Variants in BCAS3 observed in about 807,000 individuals in gnomAD.
The protein encoded by BCAS3 is BCAS4/BCAS3 fusion.
BCAS3 carries 53 observed loss-of-function variants against 116.1 expected under a neutral mutation model. The ratio of observed to expected loss-of-function variants is 0.46; its 90% confidence interval spans 0.37 to 0.57. BCAS3 has a LOEUF of 0.57. BCAS3 is among the 20% of genes least tolerant of loss of function. The pLI is 0.00. For synonymous variants in BCAS3, 391 were observed against 408.2 expected, an observed-to-expected ratio of 0.96 and a Z score of 0.51; for missense variants, 917 against 1,165.4, an observed-to-expected ratio of 0.79 and a Z score of 3.10.
chr17:61,392,082 A>G lies in BCAS3; in HGVS notation c.2699A>G (p.Asn900Ser), dbSNP rs373618986. ...FDGYRSPLPT[N>S]ESQPLSLFPT... ...GGCTACCGATCTCCGCTGCCCACCAATGAGAGCCAGCCCCTCAGCCTCTTC... is the reference window on the plus strand; with the variant it reads ...GGCTACCGATCTCCGCTGCCCACCAGTGAGAGCCAGCCCCTCAGCCTCTTC... Residue 900 changes from asparagine to serine, a missense_variant, in exon 24 of 24, where the codon AAT (asparagine) becomes AGT (serine). Asn to Ser is a conservative substitution (Grantham distance 46). This residue lies in a region of BCAS3 where 109 missense variants were observed against 122.8 expected (regional missense o/e 0.89). Transcript: ENST00000407086. The surrounding 1 kb of genome is among the most constrained non-coding windows in gnomAD (Gnocchi z 6.4). 67 of 1,613,598 alleles carry G rather than the reference A, an allele frequency of 4.2e-5. No individual in the cohort carries two copies. The highest frequency in any genetic ancestry group is 1.6e-4 in the Middle Eastern group (1 of 6,082).
chr17:61,167,543 G>A (rs1282035301), intron 22 of BCAS3, among the ~76,000 whole-genome samples: 2 of 152,220 alleles, frequency 1.3e-5, no homozygotes, highest in Non-Finnish European at 2.9e-5. Flanking sequence ...TCTAGCAGAT[G>A]TCTGTGAAAC....
chr17:60,940,746 A>G (rs896411853), intron 13 of BCAS3, among the ~76,000 whole-genome samples: 3 of 152,184 alleles, frequency 2.0e-5, no homozygotes, highest in African/African-American at 7.2e-5. Context: ...AAACATTTCT[A>G]TTTGATTCAG....
rs890552441 is a variant in BCAS3 at position 60,956,043 on chromosome 17, A to G, written c.1221+8691A>G. On this transcript the variant is annotated intron_variant, in intron 14 of 23. Transcript: ENST00000407086. This position sits in a 1 kb window ranked among gnomAD's most constrained non-coding sequence, Gnocchi z 4.2. Reference sequence around the variant, plus strand: ...TAAAAATTTACAAGGTTTTTGGGGCAGTAATTTAAAACTATGTAAATATGC... The same window carrying G: ...TAAAAATTTACAAGGTTTTTGGGGCGGTAATTTAAAACTATGTAAATATGC... Among the ~76,000 whole-genome samples the G allele has an allele frequency of 6.6e-6, 1 of 152,240 alleles. No individual in the cohort carries two copies. The highest frequency in any genetic ancestry group is 2.4e-5 in the African/African-American group (1 of 41,468).
chr17:60,702,835 C>T (rs2036591663), intron 4 of BCAS3, among the ~76,000 whole-genome samples: 1 of 151,998 alleles, frequency 6.6e-6, no homozygotes, highest in Non-Finnish European at 1.5e-5. Flanking sequence ...AAGTGATCCG[C>T]CCACCTTCAT....
chr17:60,747,310 C>G (rs1456025459), intron 6 of BCAS3, 31 bp downstream of exon 6: 1 of 1,539,172 alleles, frequency 6.5e-7, no homozygotes, highest in African/African-American at 1.4e-5. Context: ...AAGAATCTTT[C>G]AGAAAAGAGT....
chr17:60,916,542 T>G (rs1046781319), intron 12 of BCAS3, among the ~76,000 whole-genome samples: 4 of 151,848 alleles, frequency 2.6e-5, no homozygotes, highest in Non-Finnish European at 4.4e-5. Context: ...AACAATGGGG[T>G]GGGTAAAAAT....
intron 22 of BCAS3, among the ~76,000 whole-genome samples, chr17:61,202,059 CTTTTTTTTTTTTT>C (rs35961240): frequency 2.8e-5 from 2 of 70,334 alleles, no homozygotes; most frequent in Non-Finnish European, 5.3e-5. Context: ...TGCCCGGCCT[CTTTTTTTTTTTTT>C]TTTTTTTTTT....
intron 22 of BCAS3, among the ~76,000 whole-genome samples, chr17:61,254,327 C>G (rs1309923478): frequency 6.6e-6 from 1 of 152,180 alleles, no homozygotes; most frequent in Non-Finnish European, 1.5e-5. Flanking sequence ...CTGACATGCA[C>G]ATTTCTTTGC....
At position 61,156,873 on chromosome 17, in the gene BCAS3, G is replaced by C. The variant is rs1193071041; in HGVS notation, c.2425+72309G>C. ...TCCTTTATGAATGATTTAGGTAATTGACACAATTTAATATTTGCAATTATT... is the reference window on the plus strand; with the variant it reads ...TCCTTTATGAATGATTTAGGTAATTCACACAATTTAATATTTGCAATTATT... On this transcript the variant is annotated intron_variant, in intron 22 of 23. Transcript: ENST00000407086. This position sits in a 1 kb window ranked among gnomAD's most constrained non-coding sequence, Gnocchi z 4.7. Among the ~76,000 whole-genome samples the C allele has an allele frequency of 6.6e-6, 1 of 151,880 alleles. No individual in the cohort carries two copies. Among genetic ancestry groups the C allele is most frequent in the African/African-American group, 2.4e-5 (1 of 41,310 alleles).
chr17:61,125,848 A>G (rs1051379996), intron 22 of BCAS3, among the ~76,000 whole-genome samples: 3 of 152,164 alleles, frequency 2.0e-5, no homozygotes, highest in African/African-American at 7.2e-5. Context: ...AAAAGTTAAA[A>G]TTCTTCCCCT....
intron 15 of BCAS3, among the ~76,000 whole-genome samples, chr17:60,991,946 T>C (rs2063550720): frequency 6.6e-6 from 1 of 152,176 alleles, no homozygotes; most frequent in African/African-American, 2.4e-5. Context: ...ATATTAACAC[T>C]TCACTCCTTT....
chr17:60,696,663 C>T (rs1598111533), intron 4 of BCAS3: 2 of 151,902 alleles, frequency 1.3e-5, no homozygotes, highest in African/African-American at 4.8e-5. Context: ...CCTTAGCTAC[C>T]TGAAGATGCC....
rs141883163 is a variant in BCAS3 at position 60,793,039 on chromosome 17, G to A, written c.404-14965G>A. 1.2e-3 allele frequency among the ~76,000 whole-genome samples: 180 copies of A among 151,554 alleles called. No homozygotes were observed. In the Middle Eastern group the frequency reaches 0.014, roughly 12 times the overall value. On this transcript the variant is annotated intron_variant, in intron 6 of 23. Transcript: ENST00000407086. ...GTATTTCACTTATAATGTTCTCAAG[G>A]TTCATCCATGTTGTAGCATGTGACA... is the stretch of plus-strand genomic sequence containing the variant.
At chr17:61,025,191 T>C (rs1374865013) in intron 16 of BCAS3, among the ~76,000 whole-genome samples, 1 of 152,242 alleles carries the variant, frequency 6.6e-6, no homozygotes, top group South Asian at 2.1e-4. Context: ...GTTATTTAAA[T>C]CTGTGTTTGT....
chr17:61,116,704 A>ATGTGAAAATGGTTTGATT (rs2075481971), intron 22 of BCAS3, among the ~76,000 whole-genome samples: 1 of 152,108 alleles, frequency 6.6e-6, no homozygotes, highest in Non-Finnish European at 1.5e-5. Flanking sequence ...GTCTTCCTTC[A>ATGTGAAAATGGTTTGATT]TGTGAAAATG....
At position 60,993,471 on chromosome 17, in the gene BCAS3, C is replaced by T. The variant is rs1484002553; in HGVS notation, c.1486+3236C>T. 6.6e-6 allele frequency among the ~76,000 whole-genome samples: 1 copy of T among 152,136 alleles called. No homozygotes were observed. Among genetic ancestry groups the T allele is most frequent in the African/African-American group, 2.4e-5 (1 of 41,436 alleles). Reference sequence around the variant, plus strand: ...AAGGAATTTCAGGCAGCCTATTCCTCCTGATAGATAACACGTGTTAAAATT... The same window carrying T: ...AAGGAATTTCAGGCAGCCTATTCCTTCTGATAGATAACACGTGTTAAAATT... On this transcript the variant is annotated intron_variant, in intron 15 of 23. Transcript: ENST00000407086. This position sits in a 1 kb window ranked among gnomAD's most constrained non-coding sequence, Gnocchi z 4.2.
chr17:60,888,584 T>C (rs1051786177), intron 9 of BCAS3, among the ~76,000 whole-genome samples: 2 of 152,138 alleles, frequency 1.3e-5, no homozygotes, highest in African/African-American at 4.8e-5. Flanking sequence ...TATATTACAG[T>C]ATGTTGTCTT....
intron 22 of BCAS3, among the ~76,000 whole-genome samples, chr17:61,115,433 C>A (rs1421817576): frequency 1.4e-5 from 2 of 146,660 alleles, no homozygotes; most frequent in Non-Finnish European, 3.0e-5. Flanking sequence ...GGGCAAAGGA[C>A]ATGAACAGAC....
chr17:61,237,602 T>C (rs2144484101), intron 22 of BCAS3, among the ~76,000 whole-genome samples: 1 of 152,320 alleles, frequency 6.6e-6, no homozygotes, highest in East Asian at 1.9e-4. Context: ...GCTTCATTCT[T>C]GAAGTCAGCA....
Sources: gnomAD v4.1 joint callset for allele counts (sites outside exome capture counted in the v4.1 genomes callset) on GRCh38, gnomAD v4.1.1 for gene constraint, gnomAD v4.1.1 regional missense constraint, Gnocchi (gnomAD v3.1) non-coding constraint, MANE v1.5 for transcripts, NCBI Gene and HGNC (gene_info 2026-07-23, HGNC 2026-07-21) for gene names.